Variants in ACAP2 observed in about 807,000 individuals in gnomAD.
The protein encoded by ACAP2 is ArfGAP with coiled-coil, ankyrin repeat and PH domains 2.
Under a neutral mutation model 115.8 loss-of-function variants are expected in ACAP2, and 39 were observed. That is an observed-to-expected ratio of 0.34 (90% confidence interval 0.26 to 0.44). ACAP2 has a LOEUF of 0.44. Among genes scored for constraint, ACAP2 ranks in the 20% least tolerant of loss-of-function variants. The probability of loss-of-function intolerance (pLI) is 1.00; values close to 1 mark genes in which losing one functional copy is unlikely to be tolerated. For synonymous variants in ACAP2, 289 were observed against 315.8 expected, an observed-to-expected ratio of 0.92 and a Z score of 0.90; for missense variants, 662 against 927.6, an observed-to-expected ratio of 0.71 and a Z score of 3.72.
At position 195,279,127 on chromosome 3, in the gene ACAP2, A is replaced by T. The variant is rs1276985274; in HGVS notation, c.*201T>A. The T allele has an allele frequency of 4.8e-6, 2 of 415,374 alleles. No individual in the cohort carries two copies. The highest frequency in any genetic ancestry group is 8.4e-6 in the Non-Finnish European group (2 of 237,940). 25.7% of individuals were successfully genotyped at this position (415,374 alleles called of 1,614,324 possible). A position where few individuals can be genotyped will look rare whatever the true frequency, so the allele number is the denominator to read the frequency against. On this transcript the variant is annotated 3_prime_UTR_variant, in exon 23 of 23. Transcript: ENST00000326793. ...GCCCTTTAAATAGGCTTTTTTAATA[A>T]AAGAGGTCCTAAACTAGGTTCCTCT...
chr3:195,322,440 C>T (rs1421419744), intron 9 of ACAP2, among the ~76,000 whole-genome samples: 3 of 151,812 alleles, frequency 2.0e-5, no homozygotes, highest in Non-Finnish European at 1.5e-5. Context: ...AAGTCAGGAA[C>T]AGGAAACAGA....
At chr3:195,416,333 A>G (rs1471389021) in intron 1 of ACAP2, among the ~76,000 whole-genome samples, 1 of 151,730 alleles carries the variant, frequency 6.6e-6, no homozygotes. Context: ...TGACAGAGCA[A>G]GACGCCGTCA....
chr3:195,376,434 T>C (rs1225784026), intron 4 of ACAP2, among the ~76,000 whole-genome samples: 1 of 151,874 alleles, frequency 6.6e-6, no homozygotes, highest in Non-Finnish European at 1.5e-5. Flanking sequence ...AGTTTAAACA[T>C]AATACTCCTG....
intron 4 of ACAP2, among the ~76,000 whole-genome samples, chr3:195,348,877 C>T (rs1182109865): frequency 6.6e-6 from 1 of 152,160 alleles, no homozygotes; most frequent in Non-Finnish European, 1.5e-5. Context: ...TGGCAAAAGG[C>T]TACTTTCACC....
chr3:195,403,286 T>A (rs1712472015), intron 1 of ACAP2, among the ~76,000 whole-genome samples: 1 of 152,166 alleles, frequency 6.6e-6, no homozygotes, highest in African/African-American at 2.4e-5. Flanking sequence ...AGAATACTAA[T>A]GGAGAGTCCC....
rs915977008 is a variant in ACAP2 at position 195,318,449 on chromosome 3, G to A, written c.857+2252C>T. Among the ~76,000 whole-genome samples the A allele has an allele frequency of 3.9e-5, 6 of 152,356 alleles. No individual in the cohort carries two copies. The South Asian group carries it at 6.2e-4, about 16-fold the overall frequency. Reference sequence around the variant, plus strand: ...TGCTTTTGACCAAAATGCTGATACGGATATGGACAATGTAGTCCAGGCTGA... The same window carrying A: ...TGCTTTTGACCAAAATGCTGATACGAATATGGACAATGTAGTCCAGGCTGA... On this transcript the variant is annotated intron_variant, in intron 10 of 22. Coordinates refer to ENST00000326793, the MANE Select transcript of ACAP2 (RefSeq NM_012287.6).
intron 4 of ACAP2, among the ~76,000 whole-genome samples, chr3:195,375,342 C>G (rs1484747382): frequency 3.3e-5 from 5 of 152,016 alleles, no homozygotes; most frequent in African/African-American, 1.2e-4. Flanking sequence ...GCCCTTATCT[C>G]CCCATGAAGT....
chr3:195,429,637 C>T (rs1479365139), intron 1 of ACAP2, among the ~76,000 whole-genome samples: 13 of 151,958 alleles, frequency 8.6e-5, no homozygotes, highest in Admixed American at 2.0e-4. Flanking sequence ...GTGTAGGTGA[C>T]GGGTAGTGTA....
At chr3:195,295,521 G>T (rs1283079363) in intron 17 of ACAP2, 187 bp downstream of exon 17, 2 of 683,754 alleles carry the variant, frequency 2.9e-6, no homozygotes, top group African/African-American at 3.6e-5. Flanking sequence ...CTAGAAAGGT[G>T]AAATATTATG....
In ACAP2 at chr3:195,442,840, A is replaced by T. The variant is rs1716125443; in HGVS notation, c.8T>A (p.Met3Lys). Reference sequence around the variant, plus strand: ...CAGACACTCCTCGAAATCCACAGTCATCTTCATCCTGCCTCCGCCTCGCAG... The same window carrying T: ...CAGACACTCCTCGAAATCCACAGTCTTCTTCATCCTGCCTCCGCCTCGCAG... MK[M>K]TVDFEECLKD... Residue 3 changes from methionine to lysine, a missense_variant, in exon 1 of 23, where the codon ATG becomes AAG. Transcript: ENST00000326793. 1 of 1,521,404 alleles carries T rather than the reference A, an allele frequency of 6.6e-7. No individual in the cohort carries two copies. Among genetic ancestry groups the T allele is most frequent in the Admixed American group, 2.1e-5 (1 of 47,758 alleles). The allele number at this position is 1,521,404 out of a possible 1,614,324, so 94.2% of individuals were successfully genotyped here.
intron 11 of ACAP2, among the ~76,000 whole-genome samples, chr3:195,308,259 C>T (rs1016303161): frequency 6.6e-6 from 1 of 152,136 alleles, no homozygotes; most frequent in African/African-American, 2.4e-5. Flanking sequence ...GGCACCCTCT[C>T]TTTCATCTTC....
intron 1 of ACAP2, among the ~76,000 whole-genome samples, chr3:195,400,333 CA>C (rs1446324590): frequency 6.6e-6 from 1 of 151,782 alleles, no homozygotes; most frequent in Non-Finnish European, 1.5e-5. Flanking sequence ...CTCATATTAA[CA>C]GGTATATGAT....
chr3:195,304,163 C>CAAAAAAA lies in ACAP2; in HGVS notation c.1117-1996_1117-1990dup, dbSNP rs56055597. On this transcript the variant is annotated intron_variant, in intron 13 of 22. Transcript: ENST00000326793. ...TGGGCAATGGAGTGAGACTCCATCT[C>CAAAAAAA]AAAAAAAAAAAAAAAAAAAAAAAAA... Among the ~76,000 whole-genome samples the CAAAAAAA allele has an allele frequency of 2.8e-4, 18 of 63,274 alleles. 1 individual carries two copies. Among genetic ancestry groups the CAAAAAAA allele is most frequent in the East Asian group, 9.5e-4 (2 of 2,108 alleles). The allele number at this position is 63,274 out of a possible 152,430, so 41.5% of individuals were successfully genotyped here. A position where few individuals can be genotyped will look rare whatever the true frequency, so the allele number is the denominator to read the frequency against.
chr3:195,299,118 A>C (rs1727851916), intron 15 of ACAP2, among the ~76,000 whole-genome samples: 1 of 152,230 alleles, frequency 6.6e-6, no homozygotes, highest in Non-Finnish European at 1.5e-5. Flanking sequence ...TCTTCTTTAA[A>C]ATCTGCACTG....
chr3:195,415,792 T>C (rs1713672471), intron 1 of ACAP2, among the ~76,000 whole-genome samples: 1 of 151,928 alleles, frequency 6.6e-6, no homozygotes, highest in Non-Finnish European at 1.5e-5. Context: ...ATATGCAAAA[T>C]GATAAATGTA....
chr3:195,287,878 T>C (rs928436379), intron 21 of ACAP2, among the ~76,000 whole-genome samples: 2 of 151,962 alleles, frequency 1.3e-5, no homozygotes, highest in African/African-American at 4.8e-5. Flanking sequence ...CTGAGGCAGG[T>C]GGATCACCTG....
At chr3:195,337,983 A>ACCTGAGCCCGG (rs1245020689) in intron 6 of ACAP2, among the ~76,000 whole-genome samples, 1 of 152,000 alleles carries the variant, frequency 6.6e-6, no homozygotes, top group Non-Finnish European at 1.5e-5. Flanking sequence ...TCCCACCTCA[A>ACCTGAGCCCGG]TGCCTTTGCA....
At chr3:195,308,550 A>G (rs1728560981) in intron 11 of ACAP2, among the ~76,000 whole-genome samples, 1 of 152,208 alleles carries the variant, frequency 6.6e-6, no homozygotes, top group African/African-American at 2.4e-5. Context: ...CCTGTGACCC[A>G]GAAAAATCCA....
rs1220771251 is a variant in ACAP2, at chr3:195,381,975, A to C, written c.159T>G (p.Cys53Trp). 1 of 1,612,260 alleles carries C rather than the reference A, an allele frequency of 6.2e-7. No homozygotes were observed. The highest frequency in any genetic ancestry group is 2.2e-5 in the East Asian group (1 of 44,830). Residue 53 changes from cysteine (C) to tryptophan (W), a missense_variant, in exon 3 of 23, where the codon TGT (cysteine) becomes TGG (tryptophan). Coordinates refer to ENST00000326793, the MANE Select transcript of ACAP2 (RefSeq NM_012287.6). ...CATTCATGAACTGTTTATTTGCAAC[A>C]CAAAAGGCTTTTCCAGTATCAATCA... is the stretch of plus-strand genomic sequence containing the variant. Reference protein sequence around the residue: ...IAMIDTGKAFCVANKQFMNGI... With the variant: ...IAMIDTGKAFWVANKQFMNGI...
Sources: gnomAD v4.1 joint callset for allele counts (sites outside exome capture counted in the v4.1 genomes callset) on GRCh38, gnomAD v4.1.1 for gene constraint, MANE v1.5 for transcripts, NCBI Gene and HGNC (gene_info 2026-07-23, HGNC 2026-07-21) for gene names.